Variants in GRIN2A observed in about 807,000 individuals in gnomAD.
GRIN2A encodes the protein glutamate receptor ionotropic, NMDA 2A.
A neutral mutation model predicts 113.4 loss-of-function variants in GRIN2A; 22 were observed. The ratio of observed to expected loss-of-function variants is 0.19; its 90% confidence interval spans 0.14 to 0.28. The LOEUF (loss-of-function observed/expected upper bound fraction) is 0.28. Among genes scored for constraint, GRIN2A ranks in the 10% least tolerant of loss-of-function variants. The pLI is 1.00. For synonymous variants in GRIN2A, 827 were observed against 738.4 expected (o/e 1.12, Z -1.94); for missense variants, 1,502 against 1,887.0 (o/e 0.80, Z 3.78).
At chr16:9,871,623 G>A (rs2043262409) in intron 4 of GRIN2A, among the ~76,000 whole-genome samples, 1 of 152,130 alleles carries the variant, frequency 6.6e-6, no homozygotes, top group African/African-American at 2.4e-5. Context: ...AAGTGGCTGG[G>A]TGACCATGTT....
intron 2 of GRIN2A, among the ~76,000 whole-genome samples, chr16:9,971,277 T>A (rs923765449): frequency 1.3e-5 from 2 of 152,238 alleles, no homozygotes; most frequent in Admixed American, 1.3e-4. Context: ...GATATAACAA[T>A]TTCCCTTGGG....
chr16:10,108,634 G>T (rs144996373), intron 2 of GRIN2A, among the ~76,000 whole-genome samples: 1 of 152,162 alleles, frequency 6.6e-6, no homozygotes, highest in African/African-American at 2.4e-5. Flanking sequence ...CTTAGTGTAC[G>T]ATGTAGCCGG....
intron 2 of GRIN2A, among the ~76,000 whole-genome samples, chr16:10,168,668 C>T (rs1042412539): frequency 6.6e-6 from 1 of 152,130 alleles, no homozygotes; most frequent in Non-Finnish European, 1.5e-5. Flanking sequence ...AACTTTACTC[C>T]TTATAGTTTC....
At chr16:10,157,093 C>A (rs886827157) in intron 2 of GRIN2A, among the ~76,000 whole-genome samples, 1 of 152,054 alleles carries the variant, frequency 6.6e-6, no homozygotes, top group Non-Finnish European at 1.5e-5. Flanking sequence ...ATGTCCAATG[C>A]GCCCCTTGAG....
intron 4 of GRIN2A, 48 bp downstream of exon 4, chr16:9,890,938 C>G (rs370508801): frequency 5.2e-6 from 6 of 1,162,782 alleles, no homozygotes; most frequent in Non-Finnish European, 7.8e-6. Context: ...CCTTTATTGC[C>G]CATGCTTTCT....
intron 2 of GRIN2A, among the ~76,000 whole-genome samples, chr16:10,115,171 C>T (rs547545741): frequency 3.9e-5 from 6 of 152,080 alleles, no homozygotes; most frequent in South Asian, 4.2e-4. Context: ...AGTCTTAAGA[C>T]GGCTCTCCTT....
intron 2 of GRIN2A, among the ~76,000 whole-genome samples, chr16:9,985,974 T>A (rs958428628): frequency 1.3e-5 from 2 of 152,166 alleles, no homozygotes; most frequent in Non-Finnish European, 2.9e-5. Context: ...ATGCCTACTT[T>A]ATACTCACAA....
At chr16:9,936,620 T>G (rs1216594436) in intron 3 of GRIN2A, among the ~76,000 whole-genome samples, 3 of 152,156 alleles carry the variant, frequency 2.0e-5, no homozygotes, top group African/African-American at 7.2e-5. Flanking sequence ...CAATGACACT[T>G]CTCAGAAACC....
intron 2 of GRIN2A, among the ~76,000 whole-genome samples, chr16:10,011,512 A>G (rs568978969): frequency 1.3e-4 from 20 of 152,206 alleles, no homozygotes; most frequent in Admixed American, 2.0e-4. Context: ...TCATTCTCCA[A>G]ACATTTCCAA....
At chr16:9,916,321 C>G (rs13331913) in intron 3 of GRIN2A, among the ~76,000 whole-genome samples, 1,867 of 152,170 alleles carry the variant, frequency 0.012, 40 homozygotes, top group African/African-American at 0.043. Context: ...TGACATGAGT[C>G]CTTGGAAAAA....
chr16:9,831,252 G>A (rs1380168119), intron 8 of GRIN2A, among the ~76,000 whole-genome samples: 1 of 152,172 alleles, frequency 6.6e-6, no homozygotes, highest in South Asian at 2.1e-4. Flanking sequence ...AGAACGTATT[G>A]CAAGGATGGG....
At chr16:9,941,545 G>C (rs1204012981) in intron 2 of GRIN2A, among the ~76,000 whole-genome samples, 2 of 152,150 alleles carry the variant, frequency 1.3e-5, no homozygotes, top group Admixed American at 1.3e-4. Flanking sequence ...TTCAGCCCAA[G>C]CTGAATCTCT....
chr16:10,117,079 A>G (rs2048742166), intron 2 of GRIN2A, among the ~76,000 whole-genome samples: 1 of 150,478 alleles, frequency 6.6e-6, no homozygotes, highest in African/African-American at 2.4e-5. Flanking sequence ...AAAAAAAAGT[A>G]GCTAAGCTTA....
chr16:9,883,449 G>C (rs2043523734), intron 4 of GRIN2A, among the ~76,000 whole-genome samples: 1 of 152,174 alleles, frequency 6.6e-6, no homozygotes, highest in African/African-American at 2.4e-5. Context: ...TAGTATACAG[G>C]TCTGCAGGAA....
chr16:9,994,548 G>T (rs574384910), intron 2 of GRIN2A, among the ~76,000 whole-genome samples: 10 of 152,270 alleles, frequency 6.6e-5, no homozygotes, highest in Admixed American at 5.9e-4. Context: ...AGGGAAACTG[G>T]ACAGTTGGTT....
chr16:9,764,526 C>T lies in GRIN2A; in HGVS notation c.3018G>A (p.Ala1006=), dbSNP rs761132463. The T allele has an allele frequency of 6.2e-6, 10 of 1,613,850 alleles. No individual in the cohort carries two copies. Among genetic ancestry groups the T allele is most frequent in the East Asian group, 2.2e-5 (1 of 44,868 alleles). The change falls in exon 13 of 13, where the codon GCG becomes GCA. Residue 1006 remains alanine (A), a synonymous_variant. Coordinates refer to ENST00000330684, the MANE Select transcript of GRIN2A (RefSeq NM_001134407.3). ...TCCACAGCTGCCGGGGTCTAGAGTT[C>T]GCTTTGGATTCTGTGCTCACGGCCA... ...VEVAVSTESK[A]NSRPRQLWKK...
At chr16:9,864,440 T>TTC (rs34309354) in intron 4 of GRIN2A, among the ~76,000 whole-genome samples, 5 of 151,866 alleles carry the variant, frequency 3.3e-5, no homozygotes, top group Middle Eastern at 3.2e-3. Context: ...AGTTTTTTTT[T>TTC]AAATGAAAAC....
intron 2 of GRIN2A, among the ~76,000 whole-genome samples, chr16:10,108,207 G>A (rs748088838): frequency 1.4e-4 from 21 of 152,202 alleles, no homozygotes; most frequent in Non-Finnish European, 2.4e-4. Flanking sequence ...CAATCATGGT[G>A]GAAAGCAAGA....
chr16:10,179,326 G>C (rs891179032), intron 2 of GRIN2A, among the ~76,000 whole-genome samples: 1 of 152,138 alleles, frequency 6.6e-6, no homozygotes, highest in African/African-American at 2.4e-5. Flanking sequence ...GGCCCTCCAT[G>C]CTCTGGGTTT....
Sources: allele counts gnomAD v4.1 joint callset (sites outside exome capture counted in the v4.1 genomes callset), GRCh38; gene constraint gnomAD v4.1.1; transcripts MANE v1.5; gene names NCBI Gene and HGNC (gene_info 2026-07-23, HGNC 2026-07-21).